Variants in NKAIN3 observed in about 807,000 individuals in gnomAD.
NKAIN3 encodes the protein sodium/potassium-transporting ATPase subunit beta-1-interacting protein 3.
Under a neutral mutation model 30.2 loss-of-function variants are expected in NKAIN3, and 25 were observed. The observed-to-expected ratio is 0.83, with a 90% CI of 0.60 to 1.16. The LOEUF is 1.16. NKAIN3 is among the 50% of genes most tolerant of loss of function. The pLI is 0.00. For synonymous variants in NKAIN3, 91 were observed against 89.6 expected, an observed-to-expected ratio of 1.02 and a Z score of -0.09; for missense variants, 225 against 254.1, an observed-to-expected ratio of 0.89 and a Z score of 0.78.
chr8:62,432,697 T>A (rs578088119), intron 1 of NKAIN3, among the ~76,000 whole-genome samples: 30 of 152,218 alleles, frequency 2.0e-4, no homozygotes, highest in South Asian at 4.1e-4. Flanking sequence ...GAAATTAAAT[T>A]TTGAATGTAG....
intron 4 of NKAIN3, among the ~76,000 whole-genome samples, chr8:62,831,782 GA>G (rs1281021036): frequency 6.6e-6 from 1 of 152,064 alleles, no homozygotes; most frequent in Non-Finnish European, 1.5e-5. Flanking sequence ...GAATAACTTG[GA>G]AAACATATTT....
intron 1 of NKAIN3, among the ~76,000 whole-genome samples, chr8:62,382,083 A>G (rs1342132167): frequency 6.6e-6 from 1 of 152,110 alleles, no homozygotes; most frequent in African/African-American, 2.4e-5. Context: ...GCACAGTTGA[A>G]AATCCAAGTA....
intron 1 of NKAIN3, among the ~76,000 whole-genome samples, chr8:62,489,183 A>AT (rs56881745): frequency 0.27 from 38,089 of 142,504 alleles, 5,060 homozygotes; most frequent in South Asian, 0.33. Flanking sequence ...CACCTGGCTA[A>AT]TTTTTTTTTT....
chr8:62,906,926 T>C (rs971438229), intron 4 of NKAIN3, among the ~76,000 whole-genome samples: 1 of 152,134 alleles, frequency 6.6e-6, no homozygotes, highest in Non-Finnish European at 1.5e-5. Flanking sequence ...AGATGTATAA[T>C]CAACTTTGAA....
chr8:62,506,940 G>A (rs780777029), intron 1 of NKAIN3, among the ~76,000 whole-genome samples: 6 of 152,096 alleles, frequency 3.9e-5, no homozygotes, highest in Non-Finnish European at 5.9e-5. Flanking sequence ...TGGGTTAAAA[G>A]CATCTTTTCC....
chr8:62,609,778 T>C (rs1254068982), intron 3 of NKAIN3, among the ~76,000 whole-genome samples: 1 of 152,026 alleles, frequency 6.6e-6, no homozygotes, highest in Non-Finnish European at 1.5e-5. Flanking sequence ...GTCTCCCAGA[T>C]AGGAACATGT....
chr8:62,570,805 T>C (rs1051499258), intron 1 of NKAIN3, among the ~76,000 whole-genome samples: 4 of 152,170 alleles, frequency 2.6e-5, no homozygotes, highest in Non-Finnish European at 4.4e-5. Context: ...CAAAGTGAGC[T>C]GCCTTTTACT....
In NKAIN3 at chr8:62,589,718, C is replaced by CAGT; in HGVS notation, c.198_200dup (p.Val67dup). 1 of 1,555,618 alleles carries CAGT rather than the reference C, an allele frequency of 6.4e-7. No homozygotes were observed. The highest frequency in any genetic ancestry group is 8.8e-7 in the Non-Finnish European group (1 of 1,130,540). ...CCCTCCCCCATTTCTATCTAGTATA[C>CAGT]AGTGTGGACTGCCCTCTGGGTCACC... On this transcript the variant is annotated inframe_insertion, in exon 3 of 7. Coordinates refer to ENST00000623646, the MANE Select transcript of NKAIN3 (RefSeq NM_001304533.3).
At chr8:62,749,601 T>C (rs115482146) in intron 4 of NKAIN3, among the ~76,000 whole-genome samples, 3,372 of 152,050 alleles carry the variant, frequency 0.022, 123 homozygotes, top group African/African-American at 0.076. Flanking sequence ...GTGTGACTGA[T>C]TTTTGTATGG....
chr8:62,429,254 T>C (rs62511461), intron 1 of NKAIN3, among the ~76,000 whole-genome samples: 5,052 of 152,000 alleles, frequency 0.033, 125 homozygotes, highest in Non-Finnish European at 0.05. Context: ...TTGTCATATA[T>C]GGCCTTTATT....
chr8:62,360,411 A>T (rs1006498181), intron 1 of NKAIN3, among the ~76,000 whole-genome samples: 1 of 152,224 alleles, frequency 6.6e-6, no homozygotes, highest in African/African-American at 2.4e-5. Context: ...GATAAATCTC[A>T]TGGTGATTCT....
chr8:62,770,058 C>T (rs143335220), intron 4 of NKAIN3, among the ~76,000 whole-genome samples: 8 of 152,202 alleles, frequency 5.3e-5, no homozygotes, highest in African/African-American at 1.7e-4. Context: ...GTCCATCCCA[C>T]GATTTATTAT....
intron 1 of NKAIN3, among the ~76,000 whole-genome samples, chr8:62,330,012 C>G (rs1197875119): frequency 6.6e-6 from 1 of 151,954 alleles, no homozygotes; most frequent in African/African-American, 2.4e-5. Flanking sequence ...GATGCAGCAC[C>G]TATCTCAGTC....
chr8:62,614,554 G>A (rs549374873), intron 3 of NKAIN3, among the ~76,000 whole-genome samples: 1 of 152,230 alleles, frequency 6.6e-6, no homozygotes, highest in East Asian at 1.9e-4. Context: ...TCAGCAGGTG[G>A]CAAAACCAAC....
At chr8:62,628,756 A>G (rs1195946832) in intron 3 of NKAIN3, among the ~76,000 whole-genome samples, 1 of 152,126 alleles carries the variant, frequency 6.6e-6, no homozygotes, top group South Asian at 2.1e-4. Flanking sequence ...TAGATTTCTC[A>G]TGCATAAGTA....
chr8:62,948,687 C>T (rs529994781), intron 5 of NKAIN3, among the ~76,000 whole-genome samples: 10 of 152,212 alleles, frequency 6.6e-5, no homozygotes, highest in Non-Finnish European at 1.5e-4. Flanking sequence ...TGTTTAAGAT[C>T]AGACATGAAA....
chr8:62,782,740 T>C (rs1817390187), intron 4 of NKAIN3, among the ~76,000 whole-genome samples: 1 of 149,190 alleles, frequency 6.7e-6, no homozygotes, highest in Non-Finnish European at 1.5e-5. Context: ...AATAACTTGG[T>C]CACATGGACA....
intron 4 of NKAIN3, among the ~76,000 whole-genome samples, chr8:62,785,637 C>T (rs1316230735): frequency 2.6e-5 from 4 of 152,014 alleles, no homozygotes; most frequent in Non-Finnish European, 4.4e-5. Flanking sequence ...TATACTATGA[C>T]CTAGGGGAAT....
chr8:62,956,946 C>G (rs546118248), intron 6 of NKAIN3, among the ~76,000 whole-genome samples: 1 of 152,316 alleles, frequency 6.6e-6, no homozygotes, highest in South Asian at 2.1e-4. Context: ...AACAATTGAG[C>G]TACTTTGAAA....
Sources: gnomAD v4.1 joint callset for allele counts (sites outside exome capture counted in the v4.1 genomes callset) on GRCh38, gnomAD v4.1.1 for gene constraint, MANE v1.5 for transcripts, NCBI Gene and HGNC (gene_info 2026-07-23, HGNC 2026-07-21) for gene names.